The following UTP4 variants were observed in gnomAD, a reference collection of about 807,000 sequenced individuals.
The protein encoded by UTP4 is UTP4 small subunit processome component.
UTP4 carries 45 observed loss-of-function variants against 82.4 expected under a neutral mutation model. The observed-to-expected ratio is 0.55, with a 90% CI of 0.43 to 0.70. The LOEUF is 0.70. Among genes scored for constraint, UTP4 ranks in the 30% least tolerant of loss-of-function variants. The pLI, the probability that UTP4 is intolerant of heterozygous loss-of-function variation, is 0.00. For missense variants in UTP4, 819 were observed against 858.3 expected (o/e 0.95, Z 0.57); for synonymous variants, 348 against 300.3 (o/e 1.16, Z -1.64).
chr16:69,142,067 A>G (rs980785573), intron 5 of UTP4: 4 of 141,586 alleles, frequency 2.8e-5, no homozygotes, highest in African/African-American at 5.3e-5. Context: ...CTTCCCTGTT[A>G]TTCATTTATT....
chr16:69,140,933 A>G (rs1363707328), intron 5 of UTP4, among the ~76,000 whole-genome samples: 3 of 152,118 alleles, frequency 2.0e-5, no homozygotes, highest in African/African-American at 7.2e-5. Flanking sequence ...GTATGGTTAT[A>G]TTATAACTTT....
intron 6 of UTP4, among the ~76,000 whole-genome samples, chr16:69,148,407 A>G (rs1406540323): frequency 6.8e-6 from 1 of 147,626 alleles, no homozygotes; most frequent in African/African-American, 2.5e-5. Flanking sequence ...TAATTTTTGT[A>G]TTTTTAATAG....
intron 8 of UTP4, among the ~76,000 whole-genome samples, chr16:69,151,255 C>T (rs1244983824): frequency 6.6e-6 from 1 of 152,108 alleles, no homozygotes; most frequent in African/African-American, 2.4e-5. Flanking sequence ...GATCTGCCCG[C>T]CTCAGCCTCC....
chr16:69,147,178 AAATAAT>A (rs59985843), intron 6 of UTP4, among the ~76,000 whole-genome samples: 15,865 of 132,360 alleles, frequency 0.12, 1,034 homozygotes, highest in Middle Eastern at 0.19. Context: ...CTCCAGCTCA[AAATAAT>A]AATAATAATA....
chr16:69,154,108 T>G (rs1440931640), intron 9 of UTP4, among the ~76,000 whole-genome samples: 1 of 152,150 alleles, frequency 6.6e-6, no homozygotes, highest in Non-Finnish European at 1.5e-5. Context: ...GTCCTCTCAT[T>G]TGCAGTGGAT....
chr16:69,135,611 A>T (rs1204570781), intron 2 of UTP4, among the ~76,000 whole-genome samples: 1 of 152,078 alleles, frequency 6.6e-6, no homozygotes, highest in Non-Finnish European at 1.5e-5. Context: ...AGCTACTTGG[A>T]GGGTTGAGGC....
chr16:69,158,072 T>C (rs999077135), intron 12 of UTP4, among the ~76,000 whole-genome samples: 10 of 150,904 alleles, frequency 6.6e-5, no homozygotes, highest in Non-Finnish European at 1.3e-4. Context: ...GTTTTGATAC[T>C]TCCTATGGGC....
At chr16:69,155,841 C>G in intron 10 of UTP4, 30 bp from the exon 11 acceptor site, 1 of 1,613,862 alleles carries the variant, frequency 6.2e-7, no homozygotes, top group Non-Finnish European at 8.5e-7. Flanking sequence ...AGTTTAATTG[C>G]ACATTCATCT....
chr16:69,168,656 A>C (rs1355521895), intron 16 of UTP4, among the ~76,000 whole-genome samples, 165 bp from the exon 17 acceptor site: 1 of 152,102 alleles, frequency 6.6e-6, no homozygotes, highest in Non-Finnish European at 1.5e-5. Flanking sequence ...TATGCATTCC[A>C]ACTATTTTGA....
At chr16:69,150,958 C>G (rs1963246808) in intron 8 of UTP4, 54 bp downstream of exon 8, 2 of 1,353,852 alleles carry the variant, frequency 1.5e-6, no homozygotes, top group Non-Finnish European at 2.1e-6. Flanking sequence ...TCCCTGTGTC[C>G]CCCTGTCCCA....
intron 13 of UTP4, among the ~76,000 whole-genome samples, chr16:69,162,013 G>A (rs1407019520): frequency 6.6e-6 from 1 of 151,182 alleles, no homozygotes; most frequent in African/African-American, 2.4e-5. Context: ...TGTTGCCCAG[G>A]CTGGAGTGTG....
At chr16:69,137,703 G>A in intron 3 of UTP4, 98 bp from the exon 4 acceptor site, 1 of 757,634 alleles carries the variant, frequency 1.3e-6, no homozygotes, top group Non-Finnish European at 2.4e-6. Context: ...GAGGAAGAGA[G>A]AATAGAGAGA....
Position 69,165,424 on chromosome 16 carries a change from C to G in UTP4, c.1731C>G (p.Leu577=). The G allele has an allele frequency of 6.2e-7, 1 of 1,614,074 alleles. No individual in the cohort carries two copies. Among genetic ancestry groups the G allele is most frequent in the Non-Finnish European group, 8.5e-7 (1 of 1,179,998 alleles). ...VQKQGFHHLW[L]QRDTPITHIS... Reference sequence around the variant, plus strand: ...AGCAGGGCTTTCACCACCTTTGGCTCCAAAGGGATACTCCTATCACACACA... The same window carrying G: ...AGCAGGGCTTTCACCACCTTTGGCTGCAAAGGGATACTCCTATCACACACA... Residue 577 remains leucine (L), a synonymous_variant, in exon 15 of 17, where the codon CTC becomes CTG. Coordinates refer to ENST00000314423, the MANE Select transcript of UTP4 (RefSeq NM_032830.3).
Position 69,139,850 on chromosome 16 carries a change from T to C in UTP4, c.462T>C (p.His154=), listed in dbSNP as rs1401709919. ...QKSRILSLSW[H]PSGTHIAAGS... The stretch of plus-strand genomic sequence containing the variant: ...GTCGCATCCTGAGTCTCAGCTGGCA[T>C]CCCTCTGGTACCCACATTGCAGCTG... The change falls in exon 5 of 17, where the codon CAT becomes CAC. Residue 154 remains histidine (H), a synonymous_variant. Coordinates refer to ENST00000314423, the MANE Select transcript of UTP4 (RefSeq NM_032830.3). 1 of 1,613,968 alleles carries C rather than the reference T, an allele frequency of 6.2e-7. No homozygotes were observed. Among genetic ancestry groups the C allele is most frequent in the Admixed American group, 1.7e-5 (1 of 60,012 alleles).
rs761408231 is a variant in UTP4 at position 69,167,055 on chromosome 16, A to G, written c.1834-20A>G. ...CCCAATAAAAGTAACCATTTAAACAATGTGTCTTTGTTTTTTTAGCCCCTT... is the reference window on the plus strand; with the variant it reads ...CCCAATAAAAGTAACCATTTAAACAGTGTGTCTTTGTTTTTTTAGCCCCTT... On this transcript the variant is annotated intron_variant, in intron 15 of 16. Coordinates refer to ENST00000314423, the MANE Select transcript of UTP4 (RefSeq NM_032830.3). 3 of 1,540,708 alleles carry G rather than the reference A, an allele frequency of 1.9e-6. No individual in the cohort carries two copies. Among genetic ancestry groups the G allele is most frequent in the South Asian group, 1.1e-5 (1 of 89,668 alleles).
chr16:69,151,984 A>G (rs1963284306), intron 8 of UTP4, among the ~76,000 whole-genome samples: 1 of 151,280 alleles, frequency 6.6e-6, no homozygotes, highest in Non-Finnish European at 1.5e-5. Context: ...TCTACTCATC[A>G]GTATCTTTAT....
At chr16:69,153,425 C>A (rs1035947227) in intron 8 of UTP4, among the ~76,000 whole-genome samples, 159 bp from the exon 9 acceptor site, 3 of 152,160 alleles carry the variant, frequency 2.0e-5, no homozygotes, top group Admixed American at 2.0e-4. Context: ...CTTCATAGAT[C>A]TCAGGGCAGT....
intron 4 of UTP4, 23 bp downstream of exon 4, chr16:69,137,908 C>T (rs532322915): frequency 7.2e-5 from 100 of 1,386,744 alleles, no homozygotes; most frequent in Middle Eastern, 5.3e-4. Flanking sequence ...TTTCATGGGG[C>T]GGTAAATAGC....
chr16:69,136,432 C>T (rs976217879), intron 2 of UTP4, among the ~76,000 whole-genome samples: 1 of 152,210 alleles, frequency 6.6e-6, no homozygotes, highest in Non-Finnish European at 1.5e-5. Context: ...CTCACTCTGT[C>T]GTCCAGGCTG....
Sources: allele counts gnomAD v4.1 joint callset (sites outside exome capture counted in the v4.1 genomes callset), GRCh38; gene constraint gnomAD v4.1.1; transcripts MANE v1.5; gene names NCBI Gene and HGNC (gene_info 2026-07-23, HGNC 2026-07-21).